The following LAMA2 variants were observed in gnomAD, a reference collection of about 807,000 sequenced individuals.
The protein encoded by LAMA2 is laminin subunit alpha-2.
LAMA2 carries 269 observed loss-of-function variants against 364.8 expected under a neutral mutation model. That is an observed-to-expected ratio of 0.74 (90% CI 0.67 to 0.82). The LOEUF (loss-of-function observed/expected upper bound fraction) is 0.82. Ranked by LOEUF, LAMA2 falls within the 40% of genes least tolerant of loss-of-function variation. The pLI is 0.00. For synonymous variants in LAMA2, 1,379 were observed against 1,370.6 expected (o/e 1.01, Z -0.14); for missense variants, 3,807 against 3,873.2 (o/e 0.98, Z 0.45).
intron 1 of LAMA2, among the ~76,000 whole-genome samples, chr6:128,897,159 A>G (rs560529550): frequency 3.3e-5 from 5 of 152,294 alleles, no homozygotes; most frequent in African/African-American, 4.8e-5. Context: ...TGTGACCTCA[A>G]CCCTGAAAGA....
intron 1 of LAMA2, among the ~76,000 whole-genome samples, chr6:128,964,359 A>G (rs985108366): frequency 1.3e-5 from 2 of 152,046 alleles, no homozygotes; most frequent in African/African-American, 2.4e-5. Context: ...ATAGGCTCTA[A>G]TTGAAGTTTG....
intron 12 of LAMA2, among the ~76,000 whole-genome samples, chr6:129,206,971 T>C (rs143369942): frequency 1.8e-4 from 27 of 152,328 alleles, no homozygotes; most frequent in African/African-American, 6.5e-4. Context: ...TCAATGGTAA[T>C]AGCTTATTAT....
chr6:129,515,820 G>A (rs1459618006), intron 64 of LAMA2, among the ~76,000 whole-genome samples: 3 of 152,112 alleles, frequency 2.0e-5, no homozygotes, highest in Admixed American at 2.0e-4. Flanking sequence ...GCTCATGCCT[G>A]TAATCCCAAC....
intron 3 of LAMA2, among the ~76,000 whole-genome samples, chr6:129,086,809 G>A (rs1415595061): frequency 6.6e-6 from 1 of 152,206 alleles, no homozygotes; most frequent in Non-Finnish European, 1.5e-5. Flanking sequence ...CTGAGCTAAA[G>A]TCCAGGTGTG....
chr6:129,059,584 T>C (rs1397007034), intron 2 of LAMA2, among the ~76,000 whole-genome samples, 200 bp from the exon 3 acceptor site: 2 of 152,238 alleles, frequency 1.3e-5, no homozygotes, highest in East Asian at 3.8e-4. Context: ...CATTTCCTGC[T>C]ACCTTGTATG....
intron 28 of LAMA2, among the ~76,000 whole-genome samples, chr6:129,322,317 C>T (rs1252834550): frequency 6.6e-6 from 1 of 152,164 alleles, no homozygotes; most frequent in African/African-American, 2.4e-5. Context: ...ACTGCTCTTT[C>T]CAATATACAT....
chr6:128,922,632 C>T lies in LAMA2; in HGVS notation c.112+39275C>T, dbSNP rs1047767968. ...AGCCCTTTGTCAGATGAGCAGGTTG[C>T]GAAAATTTTCTCCCATTTTGTCGGT... On this transcript the variant is annotated intron_variant, in intron 1 of 64. Transcript: ENST00000421865. Among the ~76,000 whole-genome samples the T allele has an allele frequency of 6.6e-5, 10 of 151,840 alleles. No homozygotes were observed. In the East Asian group the frequency reaches 7.7e-4, roughly 12 times the overall value.
chr6:129,320,810 A>G (rs923566819), intron 28 of LAMA2, among the ~76,000 whole-genome samples, 155 bp downstream of exon 28: 2 of 152,234 alleles, frequency 1.3e-5, no homozygotes, highest in Non-Finnish European at 2.9e-5. Flanking sequence ...GGATAATGTT[A>G]TTGATATTTA....
intron 1 of LAMA2, among the ~76,000 whole-genome samples, chr6:128,981,857 G>A (rs751124260): frequency 2.6e-5 from 4 of 152,060 alleles, no homozygotes; most frequent in Non-Finnish European, 5.9e-5. Flanking sequence ...CAACCCACAG[G>A]TCCCAGGTCG....
chr6:129,162,230 T>C (rs17056876), intron 8 of LAMA2, among the ~76,000 whole-genome samples: 10,340 of 152,282 alleles, frequency 0.068, 666 homozygotes, highest in African/African-American at 0.17. Flanking sequence ...GCTCATGATA[T>C]AGTGATATAG....
At chr6:128,997,235 TAACA>T (rs1362493379) in intron 1 of LAMA2, among the ~76,000 whole-genome samples, 2 of 151,546 alleles carry the variant, frequency 1.3e-5, no homozygotes, top group Non-Finnish European at 2.9e-5. Context: ...TATTCCTATG[TAACA>T]AACCTGCACA....
At chr6:129,450,883 G>A (rs895771677) in intron 45 of LAMA2, among the ~76,000 whole-genome samples, 3 of 152,148 alleles carry the variant, frequency 2.0e-5, no homozygotes, top group African/African-American at 4.8e-5. Context: ...TCAATGGTAC[G>A]TATAGCCTGC....
intron 3 of LAMA2, among the ~76,000 whole-genome samples, chr6:129,069,190 T>G (rs935552578): frequency 6.6e-6 from 1 of 152,090 alleles, no homozygotes; most frequent in Non-Finnish European, 1.5e-5. Context: ...TGAAACCACA[T>G]GAATTCTGTT....
intron 12 of LAMA2, among the ~76,000 whole-genome samples, chr6:129,248,720 T>C (rs1289317514): frequency 6.6e-6 from 1 of 152,204 alleles, no homozygotes; most frequent in Non-Finnish European, 1.5e-5. Flanking sequence ...TTGAAATATA[T>C]ACAACATAAA....
intron 45 of LAMA2, among the ~76,000 whole-genome samples, chr6:129,447,957 T>C (rs1416267850): frequency 6.6e-6 from 1 of 152,172 alleles, no homozygotes; most frequent in African/African-American, 2.4e-5. Flanking sequence ...AATTCAGACA[T>C]GTAAGCATAT....
chr6:128,973,756 A>G (rs1276344383), intron 1 of LAMA2, among the ~76,000 whole-genome samples: 1 of 152,304 alleles, frequency 6.6e-6, no homozygotes, highest in East Asian at 1.9e-4. Context: ...TCAGATTACC[A>G]GAAGAATCAC....
At chr6:129,453,261 C>A (rs1782780395) in intron 46 of LAMA2, 130 bp downstream of exon 46, 4 of 847,620 alleles carry the variant, frequency 4.7e-6, no homozygotes, top group Non-Finnish European at 7.8e-6. Context: ...GATTTGAAAA[C>A]CTCAACGTCT....
chr6:129,491,145 A>G (rs972261251), intron 56 of LAMA2: 6 of 152,412 alleles, frequency 3.9e-5, no homozygotes, highest in Admixed American at 3.9e-4. Flanking sequence ...TAATAGCACC[A>G]TGATGACTGT....
chr6:129,184,652 T>C (rs1043918295), intron 10 of LAMA2, among the ~76,000 whole-genome samples: 1 of 151,876 alleles, frequency 6.6e-6, no homozygotes, highest in African/African-American at 2.4e-5. Flanking sequence ...TTAATGATTG[T>C]TCGCCCCTGA....
Sources: allele counts gnomAD v4.1 joint callset (sites outside exome capture counted in the v4.1 genomes callset), GRCh38; gene constraint gnomAD v4.1.1; transcripts MANE v1.5; gene names NCBI Gene and HGNC (gene_info 2026-07-23, HGNC 2026-07-21).